AKAP19: variants seen among roughly 807,000 people sequenced by gnomAD.
The protein encoded by AKAP19 is small A-kinase anchoring protein.
the AKAP19 span, among the ~76,000 whole-genome samples, chr2:189,965,896 C>A: frequency 6.6e-6 from 1 of 151,932 alleles, no homozygotes; most frequent in South Asian, 2.1e-4. Flanking sequence ...GGAATCAGCC[C>A]AAATGCCCAT....
chr2:189,903,406 G>A, the AKAP19 span, among the ~76,000 whole-genome samples: 1 of 151,870 alleles, frequency 6.6e-6, no homozygotes, highest in Non-Finnish European at 1.5e-5. Context: ...TCATAATGAT[G>A]ATTCTTAGAA....
At chr2:190,168,161 C>T in the AKAP19 span, among the ~76,000 whole-genome samples, 3 of 152,212 alleles carry the variant, frequency 2.0e-5, no homozygotes, top group Non-Finnish European at 4.4e-5. Flanking sequence ...CACCCATGGG[C>T]TCAACACCCT....
chr2:190,182,397 A>G, the AKAP19 span, among the ~76,000 whole-genome samples: 1 of 152,256 alleles, frequency 6.6e-6, no homozygotes, highest in African/African-American at 2.4e-5. Context: ...CTAAAGTGAT[A>G]CAAAATAATA....
the AKAP19 span, among the ~76,000 whole-genome samples, chr2:190,161,361 C>A: frequency 2.6e-5 from 4 of 152,104 alleles, no homozygotes; most frequent in African/African-American, 7.2e-5. Context: ...AAAGGCATTT[C>A]TTTACCCTAT....
At chr2:190,145,908 T>C in the AKAP19 span, among the ~76,000 whole-genome samples, 13 of 149,768 alleles carry the variant, frequency 8.7e-5, no homozygotes, top group Non-Finnish European at 1.8e-4. Context: ...TAGAAATAAA[T>C]CAAAGGTAAA....
the AKAP19 span, among the ~76,000 whole-genome samples, chr2:190,191,796 C>A: frequency 6.7e-3 from 1,024 of 152,270 alleles, 12 homozygotes; most frequent in African/African-American, 0.022. Context: ...TTTCAAATCT[C>A]GTTTTCTAAA....
the AKAP19 span, among the ~76,000 whole-genome samples, chr2:190,196,907 G>T: frequency 0.28 from 42,045 of 152,010 alleles, 6,487 homozygotes; most frequent in East Asian, 0.47. Flanking sequence ...GGAGTATTTA[G>T]AAGACTGGGT....
At chr2:189,897,650 G>A in the AKAP19 span, among the ~76,000 whole-genome samples, 3 of 151,980 alleles carry the variant, frequency 2.0e-5, no homozygotes, top group Non-Finnish European at 2.9e-5. Context: ...GCTTTCAATG[G>A]CATAAAATAT....
the AKAP19 span, among the ~76,000 whole-genome samples, chr2:189,947,979 G>A: frequency 2.6e-5 from 4 of 152,096 alleles, no homozygotes; most frequent in Non-Finnish European, 5.9e-5. Context: ...TTCATCATCA[G>A]TGTTGGGCTA....
chr2:190,146,960 C>T, the AKAP19 span, among the ~76,000 whole-genome samples: 1 of 152,196 alleles, frequency 6.6e-6, no homozygotes, highest in Non-Finnish European at 1.5e-5. Flanking sequence ...TCTCTGTTTA[C>T]TCTGCTGACT....
At chr2:190,175,096 A>G in the AKAP19 span, among the ~76,000 whole-genome samples, 2 of 148,136 alleles carry the variant, frequency 1.4e-5, no homozygotes, top group Non-Finnish European at 3.0e-5. Flanking sequence ...AAAAGACAAC[A>G]ACAACAACAA....
the AKAP19 span, among the ~76,000 whole-genome samples, chr2:189,974,110 G>T: frequency 6.6e-6 from 1 of 151,674 alleles, no homozygotes; most frequent in Non-Finnish European, 1.5e-5. Flanking sequence ...TTCTCTTGTG[G>T]GCATTTAGTG....
At chr2:189,908,736 A>G in the AKAP19 span, among the ~76,000 whole-genome samples, 4 of 152,196 alleles carry the variant, frequency 2.6e-5, no homozygotes, top group Non-Finnish European at 4.4e-5. Context: ...ATGATTTTCA[A>G]TTTCCTTCAA....
the AKAP19 span, among the ~76,000 whole-genome samples, chr2:190,169,858 A>C: frequency 2.2e-4 from 34 of 152,354 alleles, no homozygotes; most frequent in South Asian, 6.6e-3. Flanking sequence ...CTGTGGGAGA[A>C]GTATTAATAG....
the AKAP19 span, among the ~76,000 whole-genome samples, chr2:190,124,148 T>C: frequency 1.3e-5 from 2 of 152,240 alleles, no homozygotes; most frequent in African/African-American, 4.8e-5. Context: ...GCAGATGGCC[T>C]GTCATGGGAC....
the AKAP19 span, among the ~76,000 whole-genome samples, chr2:189,950,334 G>GTTTTTTTTTTTTTTTT: frequency 2.9e-5 from 4 of 137,540 alleles, no homozygotes; most frequent in Non-Finnish European, 1.5e-5. Flanking sequence ...AGCCTTTTTT[G>GTTTTTTTTTTTTTTTT]TTTTTTTTTT....
At chr2:190,108,878 C>A in the AKAP19 span, among the ~76,000 whole-genome samples, 1 of 148,504 alleles carries the variant, frequency 6.7e-6, no homozygotes, top group Non-Finnish European at 1.5e-5. Flanking sequence ...CTCTAAAAAA[C>A]CTTAAACAGA....
the AKAP19 span, chr2:189,930,411 CT>C: frequency 3.5e-6 from 1 of 286,058 alleles, no homozygotes; most frequent in South Asian, 4.4e-5. Flanking sequence ...GGCGCGGTGG[CT>C]TCACGCCTGT....
the AKAP19 span, among the ~76,000 whole-genome samples, chr2:190,183,880 C>A: frequency 6.6e-6 from 1 of 151,762 alleles, no homozygotes; most frequent in Non-Finnish European, 1.5e-5. Context: ...AAATCATTTG[C>A]TTTTAAGGGA....
Sources: gnomAD v4.1 joint callset for allele counts (sites outside exome capture counted in the v4.1 genomes callset) on GRCh38, gnomAD v4.1.1 for gene constraint, MANE v1.5 for transcripts, NCBI Gene and HGNC (gene_info 2026-07-23, HGNC 2026-07-21) for gene names.